Variants in TSPAN11 observed in about 807,000 individuals in gnomAD.
TSPAN11 encodes the protein tetraspanin-11.
Under a neutral mutation model 32.9 loss-of-function variants are expected in TSPAN11, and 29 were observed. That is an observed-to-expected ratio of 0.88 (90% CI 0.66 to 1.20). TSPAN11 has a LOEUF of 1.20. TSPAN11 is among the 50% of genes most tolerant of loss of function. The pLI is 0.00. For missense variants in TSPAN11, 283 were observed against 329.1 expected, an observed-to-expected ratio of 0.86 and a Z score of 1.08; for synonymous variants, 140 against 141.3, an observed-to-expected ratio of 0.99 and a Z score of 0.07.
At chr12:30,968,760 TA>T (rs1447785448) in intron 3 of TSPAN11, among the ~76,000 whole-genome samples, 1 of 152,198 alleles carries the variant, frequency 6.6e-6, no homozygotes, top group African/African-American at 2.4e-5. Context: ...TAAGAAGTTC[TA>T]AAAACCAATT....
chr12:30,954,166 T>G (rs1346394623), intron 2 of TSPAN11, 91 bp downstream of exon 2: 1 of 894,228 alleles, frequency 1.1e-6, no homozygotes, highest in East Asian at 2.4e-5. Context: ...TTGAGGTTGA[T>G]ATCTTCCAAA....
chr12:30,992,093 G>A lies in TSPAN11; in HGVS notation c.*178G>A. 2 of 678,364 alleles carry A rather than the reference G, an allele frequency of 2.9e-6. No individual in the cohort carries two copies. The highest frequency in any genetic ancestry group is 2.6e-6 in the Non-Finnish European group (1 of 387,622). 42.0% of individuals were successfully genotyped at this position (678,364 alleles called of 1,614,324 possible). On this transcript the variant is annotated 3_prime_UTR_variant, in exon 8 of 8. Coordinates refer to ENST00000546076, the MANE Select transcript of TSPAN11 (RefSeq NM_001370302.1). ...CATAGCTTCTGTGCCCACCCAGGCA[G>A]AGACCCTCGGCCCCCTCTCCTCCAT...
intron 3 of TSPAN11, among the ~76,000 whole-genome samples, chr12:30,970,379 G>A (rs764637137): frequency 7.9e-5 from 12 of 152,112 alleles, no homozygotes; most frequent in Non-Finnish European, 1.8e-4. Context: ...CTGAAACTGT[G>A]TTCTCCTTCC....
the TSPAN11 span, among the ~76,000 whole-genome samples, chr12:31,004,741 G>A: frequency 0.016 from 2,444 of 152,274 alleles, 56 homozygotes; most frequent in African/African-American, 0.054. Flanking sequence ...TGGAAGGGGC[G>A]GCCTCCCATG....
intron 1 of TSPAN11, among the ~76,000 whole-genome samples, chr12:30,953,269 CTATGA>C (rs1289197828): frequency 6.6e-6 from 1 of 152,182 alleles, no homozygotes; most frequent in African/African-American, 2.4e-5. Flanking sequence ...CAAAACAACC[CTATGA>C]TATATGTGTC....
chr12:30,938,825 T>C (rs1036326356), intron 1 of TSPAN11, among the ~76,000 whole-genome samples: 6 of 152,154 alleles, frequency 3.9e-5, no homozygotes, highest in African/African-American at 1.4e-4. Context: ...ACAACTTATC[T>C]TCCCTCCTCA....
At chr12:30,978,291 A>G in intron 3 of TSPAN11, 1 of 441,558 alleles carries the variant, frequency 2.3e-6, no homozygotes, top group African/African-American at 1.9e-5. Context: ...TAGTTGTCTT[A>G]CTTACGCTAC....
intron 1 of TSPAN11, among the ~76,000 whole-genome samples, chr12:30,936,198 C>G (rs1386307986): frequency 6.6e-6 from 1 of 152,212 alleles, no homozygotes; most frequent in Non-Finnish European, 1.5e-5. Flanking sequence ...AATTCCTGCT[C>G]TTCCTTCAAA....
At chr12:30,998,395 G>A (rs1435735781), downstream of TSPAN11, among the ~76,000 whole-genome samples, 2 of 152,260 alleles carry the variant, frequency 1.3e-5, no homozygotes, top group Non-Finnish European at 1.5e-5. Flanking sequence ...GGGTGGGGAC[G>A]CTGGTTCCCA....
intron 3 of TSPAN11, among the ~76,000 whole-genome samples, chr12:30,965,533 CACTGGGAA>C (rs562658740): frequency 1.8e-4 from 27 of 152,136 alleles, no homozygotes; most frequent in Non-Finnish European, 3.8e-4. Flanking sequence ...TCCCCTGCAG[CACTGGGAA>C]ACAGGCCCTG....
chr12:30,961,158 C>T (rs1406516781), intron 2 of TSPAN11, among the ~76,000 whole-genome samples: 1 of 151,902 alleles, frequency 6.6e-6, no homozygotes, highest in Non-Finnish European at 1.5e-5. Flanking sequence ...GGTCAGATCT[C>T]TCCCCACTCC....
At chr12:30,983,241 T>A (rs1482482733) in intron 7 of TSPAN11, 91 bp downstream of exon 7, 1 of 1,303,826 alleles carries the variant, frequency 7.7e-7, no homozygotes, top group Non-Finnish European at 1.1e-6. Flanking sequence ...TGGGCTGAAA[T>A]AACTGACCCT....
intron 4 of TSPAN11, 192 bp downstream of exon 4, chr12:30,978,827 T>A: frequency 1.7e-6 from 1 of 588,544 alleles, no homozygotes; most frequent in South Asian, 2.3e-5. Flanking sequence ...GTGCTGCATC[T>A]GTGGATGCTG....
intron 7 of TSPAN11, among the ~76,000 whole-genome samples, chr12:30,991,038 G>A (rs1431239904): frequency 2.0e-5 from 3 of 152,206 alleles, no homozygotes; most frequent in East Asian, 1.9e-4. Context: ...GGAGAATAAA[G>A]CTCCTCTGCA....
chr12:30,965,840 G>C (rs535713585), intron 3 of TSPAN11, among the ~76,000 whole-genome samples: 1 of 152,110 alleles, frequency 6.6e-6, no homozygotes, highest in South Asian at 2.1e-4. Context: ...GGTCAGTCAG[G>C]TGTGGCCACA....
intron 1 of TSPAN11, among the ~76,000 whole-genome samples, chr12:30,945,040 C>A (rs1024744660): frequency 2.0e-5 from 3 of 152,196 alleles, no homozygotes; most frequent in Non-Finnish European, 4.4e-5. Context: ...TCCTGTTGCA[C>A]TGGCCCATGC....
chr12:31,005,372 A>T, the TSPAN11 span, among the ~76,000 whole-genome samples: 16 of 152,218 alleles, frequency 1.1e-4, no homozygotes, highest in Non-Finnish European at 2.4e-4. Flanking sequence ...CACGGACAGC[A>T]GCAGCCTCCG....
At chr12:30,927,941 T>A (rs1166260041) in intron 1 of TSPAN11, among the ~76,000 whole-genome samples, 1 of 152,178 alleles carries the variant, frequency 6.6e-6, no homozygotes, top group African/African-American at 2.4e-5. Context: ...AATGCTTTGA[T>A]GATAGTTAAG....
intron 1 of TSPAN11, 194 bp downstream of exon 1, chr12:30,926,990 C>A (rs1174181371): frequency 7.8e-7 from 1 of 1,282,442 alleles, no homozygotes; most frequent in Non-Finnish European, 1.0e-6. Flanking sequence ...GGGACACTCG[C>A]GGGGCATGTG....
Sources: allele counts gnomAD v4.1 joint callset (sites outside exome capture counted in the v4.1 genomes callset), GRCh38; gene constraint gnomAD v4.1.1; transcripts MANE v1.5; gene names NCBI Gene and HGNC (gene_info 2026-07-23, HGNC 2026-07-21).